LPCAT3: variants seen among roughly 807,000 people sequenced by gnomAD.
LPCAT3 encodes the protein lysophospholipid acyltransferase 5.
A neutral mutation model predicts 63.4 loss-of-function variants in LPCAT3; 21 were observed. The ratio of observed to expected loss-of-function variants is 0.33; its 90% CI spans 0.23 to 0.48. The LOEUF (loss-of-function observed/expected upper bound fraction) is 0.48. Among genes scored for constraint, LPCAT3 ranks in the 20% least tolerant of loss-of-function variants. The pLI is 0.99. For missense variants in LPCAT3, 451 were observed against 590.6 expected (o/e 0.76, Z 2.45); for synonymous variants, 242 against 227.5 (o/e 1.06, Z -0.58).
At chr12:6,998,826 C>G (rs892982772) in intron 1 of LPCAT3, among the ~76,000 whole-genome samples, 2 of 152,216 alleles carry the variant, frequency 1.3e-5, no homozygotes, top group Non-Finnish European at 2.9e-5. Context: ...AATACAGATT[C>G]TTACTTAGAA....
intron 1 of LPCAT3, among the ~76,000 whole-genome samples, chr12:6,998,550 C>G (rs146535625): frequency 1.8e-4 from 28 of 152,334 alleles, no homozygotes; most frequent in African/African-American, 5.8e-4. Context: ...CTGCCTGACA[C>G]TGTCTACTTA....
At chr12:6,981,939 T>C (rs370875817) in intron 3 of LPCAT3, 35 bp from the exon 4 acceptor site, 57 of 1,047,742 alleles carry the variant, frequency 5.4e-5, no homozygotes, top group Non-Finnish European at 8.4e-5. Flanking sequence ...CTAGCATCAC[T>C]ACTATTTCTT....
Position 6,977,102 on chromosome 12 carries a change from G to C in LPCAT3, c.*12+32C>G. On this transcript the variant is annotated intron_variant, in intron 12 of 12. Transcript: ENST00000261407. The surrounding 1 kb of genome is among the most constrained non-coding windows in gnomAD (Gnocchi z 4.5). Reference sequence around the variant, plus strand: ...GTCTGTTGCTCTATTCTGTAACCTGGTGGTAGTTTTAGTTTAGCTGTATTA... The same window carrying C: ...GTCTGTTGCTCTATTCTGTAACCTGCTGGTAGTTTTAGTTTAGCTGTATTA... 7.9e-7 allele frequency: 1 copy of C among 1,273,004 alleles called. No individual in the cohort carries two copies. Among genetic ancestry groups the C allele is most frequent in the Non-Finnish European group, 1.1e-6 (1 of 870,698 alleles). The allele number at this position is 1,273,004 out of a possible 1,614,324, so 78.9% of individuals were successfully genotyped here.
rs1337942980 is a variant in LPCAT3, at chr12:6,978,152, T to C, written c.1040+189A>G. On this transcript the variant is annotated intron_variant, in intron 9 of 12. Transcript: ENST00000261407. ...AACGCACTTTTATATCTTGCCTTTT[T>C]TTCAAATATGACAGTAATGGTTTTT... 8 of 700,178 alleles carry C rather than the reference T, an allele frequency of 1.1e-5. 1 individual carries two copies. Among genetic ancestry groups the C allele is most frequent in the East Asian group, 1.0e-4 (4 of 38,464 alleles). 43.4% of individuals were successfully genotyped at this position (700,178 alleles called of 1,614,324 possible).
At chr12:6,993,587 G>A (rs1946608652) in intron 1 of LPCAT3, among the ~76,000 whole-genome samples, 1 of 152,108 alleles carries the variant, frequency 6.6e-6, no homozygotes, top group South Asian at 2.1e-4. Flanking sequence ...TCTACTTTAT[G>A]TCTCTATAGA....
intron 1 of LPCAT3, among the ~76,000 whole-genome samples, chr12:7,006,897 A>C (rs1483044557): frequency 6.6e-6 from 1 of 152,216 alleles, no homozygotes; most frequent in East Asian, 1.9e-4. Flanking sequence ...AAACCTCGAG[A>C]GTTATAAGCC....
Position 6,977,830 on chromosome 12 carries a change from T to C in LPCAT3, c.1041-85A>G. The C allele has an allele frequency of 6.5e-7, 1 of 1,535,930 alleles. No homozygotes were observed. Among genetic ancestry groups the C allele is most frequent in the East Asian group, 2.2e-5 (1 of 44,486 alleles). The stretch of plus-strand genomic sequence containing the variant: ...TGCCTCTGGGTCCTCACCCTGAGGA[T>C]TGGATTGGAGTGCTGGTGGGTTCCC... On this transcript the variant is annotated intron_variant, in intron 9 of 12. Coordinates refer to ENST00000261407, the MANE Select transcript of LPCAT3 (RefSeq NM_005768.6). The surrounding 1 kb of genome is among the most constrained non-coding windows in gnomAD (Gnocchi z 4.5).
Position 7,018,062 on chromosome 12 carries a change from G to C in LPCAT3, c.151+212C>G, listed in dbSNP as rs1485868951. ...CAGAGGGCATGGCAGGGGTTGAAGA[G>C]AAAGATGAAGAGGTTCAGAGGGCAC... On this transcript the variant is annotated intron_variant, in intron 1 of 12. Coordinates refer to ENST00000261407, the MANE Select transcript of LPCAT3 (RefSeq NM_005768.6). This position sits in a 1 kb window ranked among gnomAD's most constrained non-coding sequence, Gnocchi z 4.9. 2.0e-5 allele frequency among the ~76,000 whole-genome samples: 3 copies of C among 152,176 alleles called. No individual in the cohort carries two copies. The highest frequency in any genetic ancestry group is 7.2e-5 in the African/African-American group (3 of 41,444).
chr12:6,990,792 C>A (rs1169083099), intron 1 of LPCAT3, among the ~76,000 whole-genome samples: 1 of 150,994 alleles, frequency 6.6e-6, no homozygotes, highest in African/African-American at 2.4e-5. Flanking sequence ...TGGCAGGCGC[C>A]TGTGATCCCA....
At chr12:6,996,711 T>C (rs1946638387) in intron 1 of LPCAT3, among the ~76,000 whole-genome samples, 1 of 152,114 alleles carries the variant, frequency 6.6e-6, no homozygotes, top group Non-Finnish European at 1.5e-5. Context: ...GTGCTTTCTA[T>C]TCTTAAGGAG....
At chr12:7,013,433 A>G (rs1946778591) in intron 1 of LPCAT3, among the ~76,000 whole-genome samples, 1 of 152,226 alleles carries the variant, frequency 6.6e-6, no homozygotes, top group Admixed American at 6.5e-5. Context: ...GGGCAAGAAC[A>G]GAATTAGAGA....
intron 1 of LPCAT3, among the ~76,000 whole-genome samples, chr12:7,015,242 G>T (rs1946790436): frequency 6.6e-6 from 1 of 152,218 alleles, no homozygotes; most frequent in South Asian, 2.1e-4. Flanking sequence ...AAATGTGAAT[G>T]ATATACCTAA....
chr12:6,980,939 C>T, intron 6 of LPCAT3, 65 bp downstream of exon 6: 1 of 1,466,640 alleles, frequency 6.8e-7, no homozygotes, highest in African/African-American at 1.4e-5. Context: ...ATGCAGCTTT[C>T]AGAAGAGTCA....
At chr12:6,991,197 T>C (rs1946587551) in intron 1 of LPCAT3, among the ~76,000 whole-genome samples, 2 of 152,206 alleles carry the variant, frequency 1.3e-5, no homozygotes. Flanking sequence ...TGTTGTAATA[T>C]GTTAGTTTGG....
intron 1 of LPCAT3, among the ~76,000 whole-genome samples, chr12:6,985,878 G>A (rs1195107342): frequency 6.7e-4 from 100 of 150,264 alleles, no homozygotes; most frequent in African/African-American, 2.3e-3. Flanking sequence ...AGGTTCAAGC[G>A]ATTCTCCTGC....
At chr12:6,997,969 C>T (rs1946652708) in intron 1 of LPCAT3, among the ~76,000 whole-genome samples, 1 of 151,980 alleles carries the variant, frequency 6.6e-6, no homozygotes, top group South Asian at 2.1e-4. Context: ...CTCAAGTGAT[C>T]TGCCTGCCTC....
chr12:6,986,795 CAAAAAAA>C lies in LPCAT3; in HGVS notation c.152-3263_152-3257del, dbSNP rs1157395768. On this transcript the variant is annotated intron_variant, in intron 1 of 12. Transcript: ENST00000261407. Reference sequence around the variant, plus strand: ...CTGGTGACAGAGTGAGACTCTGTCTCAAAAAAAAAAAAAAAAAAAAAAAAAGTTACAC... The same window carrying C: ...CTGGTGACAGAGTGAGACTCTGTCTCAAAAAAAAAAAAAAAAAAGTTACAC... Among the ~76,000 whole-genome samples the C allele has an allele frequency of 6.2e-3, 211 of 33,908 alleles. 2 individuals carry two copies. The highest frequency in any genetic ancestry group is 0.022 in the African/African-American group (201 of 9,036). The allele number at this position is 33,908 out of a possible 152,430, so 22.2% of individuals were successfully genotyped here.
chr12:6,981,535 C>T (rs1565598129), intron 5 of LPCAT3, 60 bp downstream of exon 5: 1 of 1,563,842 alleles, frequency 6.4e-7, no homozygotes, highest in Non-Finnish European at 8.8e-7. Flanking sequence ...CTTTTGTTAA[C>T]AACTTTTTTC....
At chr12:6,982,945 A>C in intron 2 of LPCAT3, 163 bp from the exon 3 acceptor site, 1 of 664,204 alleles carries the variant, frequency 1.5e-6, no homozygotes, top group East Asian at 2.8e-5. Flanking sequence ...TTATTAAAAT[A>C]AAAAAGATTA....
Sources: gnomAD v4.1 joint callset for allele counts (sites outside exome capture counted in the v4.1 genomes callset) on GRCh38, gnomAD v4.1.1 for gene constraint, Gnocchi (gnomAD v3.1) non-coding constraint, MANE v1.5 for transcripts, NCBI Gene and HGNC (gene_info 2026-07-23, HGNC 2026-07-21) for gene names.